Variants in ARPP21 observed in about 807,000 individuals in gnomAD.
The protein encoded by ARPP21 is cAMP-regulated phosphoprotein 21.
A neutral mutation model predicts 113.2 loss-of-function variants in ARPP21; 69 were observed. That is an observed-to-expected ratio of 0.61 (90% CI 0.50 to 0.74). ARPP21 has a LOEUF of 0.74. Ranked by LOEUF, ARPP21 falls within the 30% of genes least tolerant of loss-of-function variation. The probability of loss-of-function intolerance (pLI) is 0.00; values close to 1 mark genes in which losing one functional copy is unlikely to be tolerated. For synonymous variants in ARPP21, 368 were observed against 375.5 expected (o/e 0.98, Z 0.23); for missense variants, 1,070 against 1,037.4 (o/e 1.03, Z -0.43).
intron 1 of ARPP21, among the ~76,000 whole-genome samples, chr3:35,669,925 T>G (rs1287392095): frequency 6.6e-6 from 1 of 152,124 alleles, no homozygotes; most frequent in Non-Finnish European, 1.5e-5. Context: ...TTAACCGTTT[T>G]TCTTCAGTAC....
chr3:35,791,474 T>C lies in ARPP21; in HGVS notation c.2138-908T>C, dbSNP rs17033771. Among the ~76,000 whole-genome samples, 384 of 152,264 alleles carry C rather than the reference T, an allele frequency of 2.5e-3. 2 individuals are homozygous for C. The highest frequency in any genetic ancestry group is 6.5e-3 in the Admixed American group (100 of 15,296). ...TGTCTTTCATTTCTCTACCACTGTG[T>C]CATTTTCACCTAAATCATAACTTTC... On this transcript the variant is annotated intron_variant, in intron 19 of 20. Coordinates refer to ENST00000684406, the MANE Select transcript of ARPP21 (RefSeq NM_001385562.1).
chr3:35,778,795 G>A (rs867109021), intron 19 of ARPP21, among the ~76,000 whole-genome samples: 1 of 152,238 alleles, frequency 6.6e-6, no homozygotes. Context: ...TATAAAGTGA[G>A]AATAATAATG....
In ARPP21 at chr3:35,706,975, C is replaced by A; in HGVS notation, c.688C>A (p.Pro230Thr). Reference protein sequence around the residue: ...IINKTSSTRIPEQRFCEHLKD... With the variant: ...IINKTSSTRITEQRFCEHLKD... Reference sequence around the variant, plus strand: ...TGATATGTTTTACTTTGCTGGCAGACCAGAGCAAAGGTTTTGTGAACATTT... The same window carrying A: ...TGATATGTTTTACTTTGCTGGCAGAACAGAGCAAAGGTTTTGTGAACATTT... Residue 230 changes from proline to threonine, a missense_variant and splice_region_variant, in exon 10 of 21, where the codon CCA (proline) becomes ACA (threonine). Physicochemically the swap from Pro to Thr is conservative, Grantham distance 38 (BLOSUM62 -1). Transcript: ENST00000684406. 1 of 1,611,514 alleles carries A rather than the reference C, an allele frequency of 6.2e-7. No individual in the cohort carries two copies. Among genetic ancestry groups the A allele is most frequent in the Non-Finnish European group, 8.5e-7 (1 of 1,178,788 alleles).
chr3:35,722,316 C>T (rs1342020121), intron 14 of ARPP21, among the ~76,000 whole-genome samples: 1 of 152,130 alleles, frequency 6.6e-6, no homozygotes, highest in Non-Finnish European at 1.5e-5. Flanking sequence ...TAATAGCTTT[C>T]GTTCTTGCAT....
intron 1 of ARPP21, among the ~76,000 whole-genome samples, chr3:35,669,520 G>A (rs1003943619): frequency 6.6e-6 from 1 of 151,992 alleles, no homozygotes; most frequent in African/African-American, 2.4e-5. Flanking sequence ...TCTTTTAAAC[G>A]TTCAAAACCA....
chr3:35,704,859 T>C (rs184959437), intron 9 of ARPP21, among the ~76,000 whole-genome samples: 1 of 152,206 alleles, frequency 6.6e-6, no homozygotes, highest in Admixed American at 6.6e-5. Flanking sequence ...AGGTCTGTAC[T>C]GACATGAAAC....
At chr3:35,700,527 T>G (rs1006551692) in intron 9 of ARPP21, among the ~76,000 whole-genome samples, 21 of 151,120 alleles carry the variant, frequency 1.4e-4, no homozygotes, top group African/African-American at 5.1e-4. Flanking sequence ...AAAAAAAAAG[T>G]ACACCAATAC....
At chr3:35,674,264 A>G (rs1034860713) in intron 1 of ARPP21, among the ~76,000 whole-genome samples, 4 of 151,970 alleles carry the variant, frequency 2.6e-5, no homozygotes, top group Non-Finnish European at 4.4e-5. Context: ...AGAGAAATAT[A>G]TAGGATAAGT....
chr3:35,682,715 A>G (rs1406891969), intron 3 of ARPP21, 133 bp from the exon 4 acceptor site: 7 of 696,222 alleles, frequency 1.0e-5, no homozygotes, highest in Non-Finnish European at 1.6e-5. Context: ...TGTTGCTATT[A>G]TTATTGACTT....
chr3:35,786,145 G>GTATA (rs1230974102), intron 19 of ARPP21, among the ~76,000 whole-genome samples: 1 of 152,074 alleles, frequency 6.6e-6, no homozygotes, highest in Non-Finnish European at 1.5e-5. Flanking sequence ...ATGATTTCAA[G>GTATA]TATATATATT....
intron 9 of ARPP21, among the ~76,000 whole-genome samples, chr3:35,697,996 G>A (rs2084718164): frequency 6.6e-6 from 1 of 151,542 alleles, no homozygotes; most frequent in Admixed American, 6.6e-5. Context: ...TTGGCATCCT[G>A]TCATTTCTAA....
intron 11 of ARPP21, among the ~76,000 whole-genome samples, chr3:35,714,125 T>C (rs955105332): frequency 5.3e-5 from 8 of 152,246 alleles, no homozygotes; most frequent in African/African-American, 1.9e-4. Context: ...AGCTATTCTC[T>C]GAAAAGCTTT....
chr3:35,685,897 A>T, intron 5 of ARPP21: 3 of 615,996 alleles, frequency 4.9e-6, no homozygotes, highest in Non-Finnish European at 6.1e-6. Flanking sequence ...ACTCTATAGC[A>T]CTTTTGTGTG....
rs1703620819 is a variant in ARPP21, at chr3:35,653,947, A to G, written c.-213+13549A>G. 3.3e-5 allele frequency among the ~76,000 whole-genome samples: 5 copies of G among 152,044 alleles called. No homozygotes were observed. The South Asian group carries it at 1.0e-3, about 31-fold the overall frequency. On this transcript the variant is annotated intron_variant, in intron 1 of 20. Coordinates refer to ENST00000684406, the MANE Select transcript of ARPP21 (RefSeq NM_001385562.1). ...TAAATTTGGAGGGTTGTCACATTCT[A>G]TAGCATTGGCTTTTATAAAGTGTCA...
intron 19 of ARPP21, among the ~76,000 whole-genome samples, chr3:35,764,331 C>G (rs893198717): frequency 6.6e-6 from 1 of 152,078 alleles, no homozygotes; most frequent in Non-Finnish European, 1.5e-5. Flanking sequence ...GAAATGTTTA[C>G]TTTTATTATC....
intron 15 of ARPP21, among the ~76,000 whole-genome samples, chr3:35,735,354 C>G (rs2094282247): frequency 6.6e-6 from 1 of 152,148 alleles, no homozygotes; most frequent in Non-Finnish European, 1.5e-5. Context: ...CTCAAGCAAT[C>G]TACCCACCTT....
chr3:35,657,896 T>A (rs1228399122), intron 1 of ARPP21, among the ~76,000 whole-genome samples: 1 of 152,162 alleles, frequency 6.6e-6, no homozygotes, highest in African/African-American at 2.4e-5. Context: ...GTGCATCCAC[T>A]CTACAGTAAC....
At chr3:35,693,882 C>T (rs2082990362) in intron 9 of ARPP21, among the ~76,000 whole-genome samples, 1 of 151,506 alleles carries the variant, frequency 6.6e-6, no homozygotes, top group African/African-American at 2.4e-5. Context: ...AGTTTTAATG[C>T]TACTCCAGTG....
At chr3:35,688,326 G>A (rs935030069) in intron 6 of ARPP21, among the ~76,000 whole-genome samples, 2 of 151,558 alleles carry the variant, frequency 1.3e-5, no homozygotes, top group African/African-American at 4.8e-5. Flanking sequence ...AAGTACAGAT[G>A]TATATGTCAA....
Sources: allele counts gnomAD v4.1 joint callset (sites outside exome capture counted in the v4.1 genomes callset), GRCh38; gene constraint gnomAD v4.1.1; transcripts MANE v1.5; gene names NCBI Gene and HGNC (gene_info 2026-07-23, HGNC 2026-07-21).